Variants in PCSK5 observed in about 807,000 individuals in gnomAD.
PCSK5 encodes prohormone convertase 5.
In PCSK5, 129 loss-of-function variants were observed where a neutral mutation model predicts 233.2. The ratio of observed to expected loss-of-function variants is 0.55; its 90% CI spans 0.48 to 0.64. PCSK5 has a LOEUF of 0.64. PCSK5 is among the 30% of genes least tolerant of loss of function. The probability of loss-of-function intolerance (pLI) is 0.00; values close to 1 mark genes in which losing one functional copy is unlikely to be tolerated. For missense variants in PCSK5, 2,076 were observed against 2,430.1 expected, an observed-to-expected ratio of 0.85 and a Z score of 3.06; for synonymous variants, 825 against 879.2, an observed-to-expected ratio of 0.94 and a Z score of 1.09.
chr9:76,047,871 C>G (rs184418260), intron 5 of PCSK5, among the ~76,000 whole-genome samples: 33 of 152,132 alleles, frequency 2.2e-4, no homozygotes, highest in Non-Finnish European at 3.4e-4. Context: ...ATTCTTGTAT[C>G]AAACAAAAAT....
At chr9:76,303,867 A>G (rs1235400483) in intron 28 of PCSK5, among the ~76,000 whole-genome samples, 1 of 152,154 alleles carries the variant, frequency 6.6e-6, no homozygotes, top group Non-Finnish European at 1.5e-5. Context: ...ATCAGCTTTA[A>G]TTAGTGTATT....
At chr9:76,356,354 C>T (rs1323205353) in intron 37 of PCSK5, among the ~76,000 whole-genome samples, 2 of 152,226 alleles carry the variant, frequency 1.3e-5, no homozygotes, top group Non-Finnish European at 2.9e-5. Flanking sequence ...TCCTTCTTTA[C>T]AGAGACACTC....
At chr9:76,019,986 G>T (rs1028450858) in intron 3 of PCSK5, among the ~76,000 whole-genome samples, 1 of 152,162 alleles carries the variant, frequency 6.6e-6, no homozygotes, top group Non-Finnish European at 1.5e-5. Flanking sequence ...TATTTATCTT[G>T]CATATACTGT....
intron 14 of PCSK5, among the ~76,000 whole-genome samples, chr9:76,176,950 A>G (rs1015349065): frequency 1.3e-5 from 2 of 152,186 alleles, no homozygotes; most frequent in Non-Finnish European, 2.9e-5. Flanking sequence ...CAATCCTTCT[A>G]AGATATGACA....
In PCSK5 at chr9:76,071,994, G is replaced by A. The variant is rs1317384337; in HGVS notation, c.894+96G>A. On this transcript the variant is annotated intron_variant, in intron 7 of 37. Coordinates refer to ENST00000674117, the MANE Select transcript of PCSK5 (RefSeq NM_001372043.1). ...TTTCCAGCTGCAGTCTAGAGAACTG[G>A]ATGGAGCTCCTAGGCTGAGCCAGCA... is the stretch of plus-strand genomic sequence containing the variant. 7.3e-6 allele frequency: 9 copies of A among 1,225,622 alleles called. No individual in the cohort carries two copies. The Admixed American group carries it at 1.8e-4, about 25-fold the overall frequency. 75.9% of individuals were successfully genotyped at this position (1,225,622 alleles called of 1,614,324 possible).
At chr9:76,085,341 C>A (rs1389281046) in intron 7 of PCSK5, among the ~76,000 whole-genome samples, 1 of 152,154 alleles carries the variant, frequency 6.6e-6, no homozygotes, top group African/African-American at 2.4e-5. Flanking sequence ...GGTATAGAGT[C>A]CCTCTCTTGC....
intron 20 of PCSK5, chr9:76,205,254 G>T (rs1825066504): frequency 1.9e-6 from 1 of 518,788 alleles, no homozygotes; most frequent in Non-Finnish European, 3.8e-6. Flanking sequence ...CAGCTCTGTA[G>T]GTGTAAAACA....
intron 20 of PCSK5, among the ~76,000 whole-genome samples, chr9:76,212,648 C>T (rs928751834): frequency 5.3e-5 from 8 of 152,190 alleles, no homozygotes; most frequent in African/African-American, 1.4e-4. Context: ...TCCATCAACT[C>T]GACTCCTTTT....
intron 33 of PCSK5, among the ~76,000 whole-genome samples, 173 bp downstream of exon 33, chr9:76,328,412 C>A (rs142206416): frequency 4.9e-4 from 75 of 152,324 alleles, no homozygotes; most frequent in African/African-American, 1.8e-3. Flanking sequence ...CAAAGAACAG[C>A]GCACGGATGT....
intron 2 of PCSK5, among the ~76,000 whole-genome samples, chr9:75,951,687 C>T (rs909233740): frequency 6.6e-6 from 1 of 151,714 alleles, no homozygotes; most frequent in Non-Finnish European, 1.5e-5. Flanking sequence ...ACAGATTCAA[C>T]CAACTGTATA....
At chr9:76,202,476 T>A (rs776861587) in intron 20 of PCSK5, among the ~76,000 whole-genome samples, 87 of 152,346 alleles carry the variant, frequency 5.7e-4, no homozygotes, top group Middle Eastern at 3.4e-3. Context: ...AGGATAAAAC[T>A]GAAATTCCTT....
chr9:76,352,560 G>T (rs948549708), intron 36 of PCSK5, among the ~76,000 whole-genome samples: 7 of 151,960 alleles, frequency 4.6e-5, no homozygotes, highest in African/African-American at 1.7e-4. Flanking sequence ...TAGAGATGGG[G>T]TCTCACCATG....
chr9:76,148,183 A>G (rs530299759), intron 10 of PCSK5, among the ~76,000 whole-genome samples: 2 of 151,648 alleles, frequency 1.3e-5, no homozygotes, highest in East Asian at 4.0e-4. Context: ...TCTAGGATTC[A>G]TGCTCTAGAT....
At chr9:76,333,303 A>T (rs1829587758) in intron 34 of PCSK5, among the ~76,000 whole-genome samples, 1 of 152,218 alleles carries the variant, frequency 6.6e-6, no homozygotes, top group South Asian at 2.1e-4. Flanking sequence ...ACTTGTTCTG[A>T]TTCAGATTTA....
chr9:76,326,353 T>C (rs552464552), intron 32 of PCSK5, among the ~76,000 whole-genome samples: 87 of 151,960 alleles, frequency 5.7e-4, no homozygotes, highest in Non-Finnish European at 1.0e-3. Context: ...ACCACTGCAC[T>C]CTAGCCTGGG....
intron 2 of PCSK5, among the ~76,000 whole-genome samples, chr9:75,947,928 A>G (rs1443519598): frequency 6.6e-6 from 1 of 152,096 alleles, no homozygotes; most frequent in African/African-American, 2.4e-5. Context: ...TCTGGCCTCA[A>G]ACTCCTGGGC....
chr9:76,062,976 G>A (rs1375952298), intron 5 of PCSK5, among the ~76,000 whole-genome samples: 1 of 152,164 alleles, frequency 6.6e-6, no homozygotes, highest in Non-Finnish European at 1.5e-5. Context: ...CCCAGCCTCT[G>A]TTAACCATCA....
chr9:75,950,147 G>C lies in PCSK5; in HGVS notation c.297+17664G>C, dbSNP rs1450876184. Among the ~76,000 whole-genome samples the C allele has an allele frequency of 3.5e-3, 447 of 126,686 alleles. 7 individuals carry two copies. The highest frequency in any genetic ancestry group is 5.7e-3 in the Non-Finnish European group (342 of 60,420). 83.1% of individuals were successfully genotyped at this position (126,686 alleles called of 152,430 possible). A position where few individuals can be genotyped will look rare whatever the true frequency, so the allele number is the denominator to read the frequency against. ...GGGACACACTTGTGTGTGTGTGTGG[G>C]GGGGGCGGGGAGGGGGGAACTGCTA... On this transcript the variant is annotated intron_variant, in intron 2 of 37. Coordinates refer to ENST00000674117, the MANE Select transcript of PCSK5 (RefSeq NM_001372043.1).
At chr9:76,171,843 T>C (rs56198322) in intron 13 of PCSK5, among the ~76,000 whole-genome samples, 11,558 of 152,202 alleles carry the variant, frequency 0.076, 477 homozygotes, top group South Asian at 0.12. Context: ...TAGAAACATA[T>C]AGTCTTTGTG....
Sources: gnomAD v4.1 joint callset for allele counts (sites outside exome capture counted in the v4.1 genomes callset) on GRCh38, gnomAD v4.1.1 for gene constraint, MANE v1.5 for transcripts, NCBI Gene and HGNC (gene_info 2026-07-23, HGNC 2026-07-21) for gene names.